ZFPM2: variants seen among roughly 807,000 people sequenced by gnomAD.
ZFPM2 encodes the protein zinc finger protein, FOG family member 2.
ZFPM2 carries 20 observed loss-of-function variants against 98.6 expected under a neutral mutation model. The observed-to-expected ratio is 0.20, with a 90% CI of 0.14 to 0.29. The LOEUF (loss-of-function observed/expected upper bound fraction) is 0.29. Among genes scored for constraint, ZFPM2 ranks in the 10% least tolerant of loss-of-function variants. ZFPM2 has a pLI of 1.00. For synonymous variants in ZFPM2, 518 were observed against 502.7 expected, an observed-to-expected ratio of 1.03 and a Z score of -0.41; for missense variants, 1,310 against 1,388.6, an observed-to-expected ratio of 0.94 and a Z score of 0.90.
intron 5 of ZFPM2, among the ~76,000 whole-genome samples, chr8:105,777,926 A>G (rs1455114538): frequency 1.3e-5 from 2 of 152,186 alleles, no homozygotes; most frequent in South Asian, 2.1e-4. Flanking sequence ...GATTGTATTA[A>G]TGAAGCAGCT....
intron 5 of ZFPM2, among the ~76,000 whole-genome samples, chr8:105,723,336 G>A (rs1218339763): frequency 2.6e-5 from 4 of 151,708 alleles, no homozygotes; most frequent in East Asian, 2.0e-4. Context: ...TGGTATAATC[G>A]TTCCAGACTT....
chr8:105,518,290 T>C (rs1411100892), intron 3 of ZFPM2, among the ~76,000 whole-genome samples: 1 of 151,984 alleles, frequency 6.6e-6, no homozygotes, highest in Admixed American at 6.6e-5. Flanking sequence ...TCTGCTGCAA[T>C]TTCCTTGTGC....
intron 3 of ZFPM2, among the ~76,000 whole-genome samples, chr8:105,461,510 T>C (rs1479092971): frequency 6.6e-6 from 1 of 152,142 alleles, no homozygotes; most frequent in Non-Finnish European, 1.5e-5. Flanking sequence ...TAAAAGGGCC[T>C]AAAGGTAAAC....
chr8:105,553,070 C>G (rs550477554), intron 3 of ZFPM2, among the ~76,000 whole-genome samples: 134 of 152,156 alleles, frequency 8.8e-4, no homozygotes, highest in Middle Eastern at 3.4e-3. Flanking sequence ...CTTGGCCTCA[C>G]AAATTGCTGG....
chr8:105,542,671 C>T (rs1229918869), intron 3 of ZFPM2, among the ~76,000 whole-genome samples: 1 of 152,088 alleles, frequency 6.6e-6, no homozygotes, highest in Middle Eastern at 3.2e-3. Context: ...TGGTATCCTG[C>T]AGGAGGTCCT....
In ZFPM2 at chr8:105,802,786, C is replaced by G. The variant is rs753510236; in HGVS notation, c.2704C>G (p.Arg902Gly). 2 of 1,613,518 alleles carry G rather than the reference C, an allele frequency of 1.2e-6. No individual in the cohort carries two copies. The highest frequency in any genetic ancestry group is 1.7e-6 in the Non-Finnish European group (2 of 1,179,770). Residue 902 changes from arginine to glycine, a missense_variant, in exon 8 of 8, where the codon CGA becomes GGA. By Grantham distance (125) the Arg-to-Gly change is moderately radical. Coordinates refer to ENST00000407775, the MANE Select transcript of ZFPM2 (RefSeq NM_012082.4). ...AGTGTTTCCGAATCCAGAAAGCGAA[C>G]GAAACAGCCCTGATGTCAGCTACGA... ...GKVFPNPESERNSPDVSYERS... is the reference protein window; with the variant it reads ...GKVFPNPESEGNSPDVSYERS...
Position 105,768,679 on chromosome 8 carries a change from A to C in ZFPM2, c.533-20039A>C, listed in dbSNP as rs537984697. ...TTTAGAATCTCTATATATGTGGATG[A>C]TTTATCCCTTGAACTCTTTATTACA... is the stretch of plus-strand genomic sequence containing the variant. On this transcript the variant is annotated intron_variant, in intron 5 of 7. Transcript: ENST00000407775. 3.9e-5 allele frequency among the ~76,000 whole-genome samples: 6 copies of C among 152,100 alleles called. No individual in the cohort carries two copies. The South Asian group carries it at 1.2e-3, about 32-fold the overall frequency.
chr8:105,493,255 C>G (rs1475151323), intron 3 of ZFPM2, among the ~76,000 whole-genome samples: 1 of 152,140 alleles, frequency 6.6e-6, no homozygotes, highest in African/African-American at 2.4e-5. Context: ...TTCAGCACCC[C>G]CAAGTGTAAC....
At chr8:105,606,348 A>G (rs62527250) in intron 4 of ZFPM2, among the ~76,000 whole-genome samples, 12,536 of 151,950 alleles carry the variant, frequency 0.083, 517 homozygotes, top group African/African-American at 0.11. Context: ...TCAGAAATAT[A>G]TGTATTTCCA....
chr8:105,607,039 A>G (rs1175039468), intron 4 of ZFPM2, among the ~76,000 whole-genome samples: 1 of 152,148 alleles, frequency 6.6e-6, no homozygotes, highest in Non-Finnish European at 1.5e-5. Flanking sequence ...TTTCTAATAA[A>G]GCTCACACAG....
At chr8:105,477,538 C>T (rs1392555927) in intron 3 of ZFPM2, among the ~76,000 whole-genome samples, 1 of 151,770 alleles carries the variant, frequency 6.6e-6, no homozygotes, top group Admixed American at 6.6e-5. Flanking sequence ...CCACCGCGCC[C>T]CACATGATAT....
chr8:105,364,430 C>G (rs1810470167), intron 1 of ZFPM2, among the ~76,000 whole-genome samples: 2 of 151,690 alleles, frequency 1.3e-5, no homozygotes, highest in Non-Finnish European at 2.9e-5. Context: ...AAGAAAAGTT[C>G]AGGAAAAAGA....
In ZFPM2 at chr8:105,777,686, AT is replaced by A. The variant is rs1586256128; in HGVS notation, c.533-11031del. Among the ~76,000 whole-genome samples, 6 of 152,328 alleles carry A rather than the reference AT, an allele frequency of 3.9e-5. No homozygotes were observed. In the East Asian group the frequency reaches 1.2e-3, roughly 29 times the overall value. On this transcript the variant is annotated intron_variant, in intron 5 of 7. Coordinates refer to ENST00000407775, the MANE Select transcript of ZFPM2 (RefSeq NM_012082.4). ...TGATTTATTGCTGTGTATTGTGCAG[AT>A]CTTTATCAATTATTTTACTCTATTT...
intron 1 of ZFPM2, among the ~76,000 whole-genome samples, chr8:105,342,182 C>T (rs1286721931): frequency 1.3e-5 from 2 of 151,828 alleles, no homozygotes; most frequent in Admixed American, 1.3e-4. Context: ...ATAAAGAAAC[C>T]TGTTTCATAT....
At chr8:105,721,557 T>C (rs557658657) in intron 5 of ZFPM2, among the ~76,000 whole-genome samples, 5 of 152,084 alleles carry the variant, frequency 3.3e-5, no homozygotes, top group African/African-American at 1.2e-4. Context: ...AATTTGAAAA[T>C]AGGAAAAAGT....
chr8:105,666,692 G>A (rs1052938713), intron 5 of ZFPM2, among the ~76,000 whole-genome samples: 1 of 152,136 alleles, frequency 6.6e-6, no homozygotes, highest in African/African-American at 2.4e-5. Context: ...CATTGTATTG[G>A]CATTTGCACT....
chr8:105,576,411 C>T (rs1485913773), intron 4 of ZFPM2, among the ~76,000 whole-genome samples: 3 of 152,100 alleles, frequency 2.0e-5, no homozygotes, highest in Non-Finnish European at 4.4e-5. Context: ...TAGTCCAGTG[C>T]TTATCTAGAA....
intron 3 of ZFPM2, among the ~76,000 whole-genome samples, chr8:105,559,994 G>C (rs1377864754): frequency 6.6e-6 from 1 of 151,970 alleles, no homozygotes; most frequent in Non-Finnish European, 1.5e-5. Context: ...GATCACCTGA[G>C]GTCAAGAGTT....
chr8:105,616,171 G>A (rs1816409971), intron 4 of ZFPM2, among the ~76,000 whole-genome samples: 1 of 151,742 alleles, frequency 6.6e-6, no homozygotes, highest in African/African-American at 2.4e-5. Context: ...CTTTTCAAAC[G>A]AATTCCCAAA....
Sources: gnomAD v4.1 joint callset for allele counts (sites outside exome capture counted in the v4.1 genomes callset) on GRCh38, gnomAD v4.1.1 for gene constraint, MANE v1.5 for transcripts, NCBI Gene and HGNC (gene_info 2026-07-23, HGNC 2026-07-21) for gene names.